Variants in WRN observed in about 807,000 individuals in gnomAD.
WRN encodes WRN RecQ like helicase, also known as bifunctional 3'-5' exonuclease/ATP-dependent helicase WRN.
A neutral mutation model predicts 180.7 loss-of-function variants in WRN; 149 were observed. The ratio of observed to expected loss-of-function variants is 0.82; its 90% CI spans 0.72 to 0.94. The LOEUF is 0.94. WRN is among the 40% of genes least tolerant of loss of function. WRN has a pLI of 0.00. For synonymous variants in WRN, 548 were observed against 568.9 expected, an observed-to-expected ratio of 0.96 and a Z score of 0.52; for missense variants, 1,661 against 1,700.1, an observed-to-expected ratio of 0.98 and a Z score of 0.40.
intron 1 of WRN, among the ~76,000 whole-genome samples, chr8:31,034,736 T>G (rs1465580606): frequency 2.6e-5 from 4 of 152,274 alleles, no homozygotes; most frequent in African/African-American, 7.2e-5. Context: ...CCTTCAGCCT[T>G]GGTTACAAGC....
intron 24 of WRN, among the ~76,000 whole-genome samples, chr8:31,137,741 G>GC (rs1802452511): frequency 6.6e-6 from 1 of 152,140 alleles, no homozygotes; most frequent in African/African-American, 2.4e-5. Context: ...TAGCTTAAGA[G>GC]CCCCCACATG....
At chr8:31,045,214 T>C (rs1811811947) in intron 1 of WRN, among the ~76,000 whole-genome samples, 1 of 152,218 alleles carries the variant, frequency 6.6e-6, no homozygotes, top group South Asian at 2.1e-4. Flanking sequence ...TATTTATTTA[T>C]TGTATGTATT....
At chr8:31,115,323 T>C (rs977639002) in intron 19 of WRN, among the ~76,000 whole-genome samples, 1 of 152,268 alleles carries the variant, frequency 6.6e-6, no homozygotes, top group Admixed American at 6.5e-5. Context: ...GATTATTCAG[T>C]ATGACTCTTG....
At chr8:31,149,622 G>A (rs1803032448) in intron 30 of WRN, among the ~76,000 whole-genome samples, 1 of 150,300 alleles carries the variant, frequency 6.7e-6, no homozygotes, top group African/African-American at 2.4e-5. Context: ...CTACAGGTGC[G>A]CGCTGCCACC....
At chr8:31,069,085 G>A (rs1362304215) in intron 7 of WRN, among the ~76,000 whole-genome samples, 1 of 152,198 alleles carries the variant, frequency 6.6e-6, no homozygotes, top group Non-Finnish European at 1.5e-5. Flanking sequence ...CAAACTATTC[G>A]AAGCATCTGT....
chr8:31,172,759 A>G (rs6982948), intron 34 of WRN, among the ~76,000 whole-genome samples: 7 of 152,260 alleles, frequency 4.6e-5, no homozygotes, highest in South Asian at 4.1e-4. Context: ...TGTTGAGTGT[A>G]TAAGACTACA....
At chr8:31,125,971 AATATAT>A (rs55952524) in intron 23 of WRN, among the ~76,000 whole-genome samples, 24,286 of 145,374 alleles carry the variant, frequency 0.17, 2,142 homozygotes, top group South Asian at 0.25. Flanking sequence ...CATCATCCTA[AATATAT>A]ATATATATAT....
intron 24 of WRN, among the ~76,000 whole-genome samples, chr8:31,136,123 CTGAG>C (rs1280263905): frequency 1.3e-5 from 2 of 152,176 alleles, no homozygotes; most frequent in African/African-American, 2.4e-5. Flanking sequence ...CCTTGGCTTC[CTGAG>C]TATGTGGCAC....
chr8:31,050,708 T>G (rs944241177), intron 1 of WRN, among the ~76,000 whole-genome samples: 3 of 152,172 alleles, frequency 2.0e-5, no homozygotes, highest in African/African-American at 7.2e-5. Flanking sequence ...TACAGCTTTC[T>G]TCTTCAGAGA....
At chr8:31,047,499 G>A (rs528416560) in intron 1 of WRN, among the ~76,000 whole-genome samples, 1 of 152,234 alleles carries the variant, frequency 6.6e-6, no homozygotes, top group Non-Finnish European at 1.5e-5. Flanking sequence ...CTCTACTGTG[G>A]GCTGGGAGTG....
rs775594819 is a variant in WRN at position 31,174,739 on chromosome 8, CCTT to C, written c.*1645_*1647del. ...TTCTTCCTTCCTTCCTCCTCCTCCT[CCTT>C]CTTCTTCCTCTTCCTCTTCTTCTTT... On this transcript the variant is annotated 3_prime_UTR_variant, in exon 35 of 35. Transcript: ENST00000298139. Among the ~76,000 whole-genome samples the C allele has an allele frequency of 1.3e-4, 20 of 150,128 alleles. No individual in the cohort carries two copies. The highest frequency in any genetic ancestry group is 3.9e-4 in the East Asian group (2 of 5,116).
intron 3 of WRN, among the ~76,000 whole-genome samples, chr8:31,060,505 C>A (rs1438383246): frequency 2.6e-5 from 4 of 152,202 alleles, no homozygotes; most frequent in African/African-American, 9.6e-5. Context: ...CACCATTGCA[C>A]TCCAGCCTGG....
Position 31,141,465 on chromosome 8 carries a change from C to G in WRN, c.3003C>G (p.His1001Gln), listed in dbSNP as rs1802626328. The G allele has an allele frequency of 6.2e-7, 1 of 1,614,084 alleles. No homozygotes were observed. Among genetic ancestry groups the G allele is most frequent in the Non-Finnish European group, 8.5e-7 (1 of 1,180,038 alleles). Residue 1001 changes from histidine (H) to glutamine (Q), a missense_variant, in exon 25 of 35, where the codon CAC becomes CAG. Coordinates refer to ENST00000298139, the MANE Select transcript of WRN (RefSeq NM_000553.6). ...SQRLADQYRRHSLFGTGKDQT... is the reference protein window; with the variant it reads ...SQRLADQYRRQSLFGTGKDQT... The stretch of plus-strand genomic sequence containing the variant: ...GTCTTGCCGATCAATATCGCAGGCA[C>G]AGTTTATTTGGCACTGGCAAGGATC...
At chr8:31,057,715 T>C (rs1812326224) in intron 1 of WRN, among the ~76,000 whole-genome samples, 1 of 152,146 alleles carries the variant, frequency 6.6e-6, no homozygotes, top group South Asian at 2.1e-4. Flanking sequence ...TACGGATCCA[T>C]TTTACTATTA....
intron 3 of WRN, among the ~76,000 whole-genome samples, chr8:31,062,692 C>T (rs538020632): frequency 3.2e-4 from 48 of 152,024 alleles, no homozygotes; most frequent in Admixed American, 2.7e-3. Context: ...GGATTACAGG[C>T]GTGAACCACT....
At chr8:31,167,400 A>T (rs1803943457) in intron 34 of WRN, among the ~76,000 whole-genome samples, 170 bp downstream of exon 34, 1 of 152,112 alleles carries the variant, frequency 6.6e-6, no homozygotes, top group Non-Finnish European at 1.5e-5. Context: ...AAGTGATTAA[A>T]AAAAAGACAG....
chr8:31,041,662 G>A (rs1403417816), intron 1 of WRN, among the ~76,000 whole-genome samples: 1 of 152,106 alleles, frequency 6.6e-6, no homozygotes, highest in East Asian at 1.9e-4. Flanking sequence ...AGTGACGATC[G>A]GTGGAGGAGA....
chr8:31,088,905 C>A lies in WRN; in HGVS notation c.1592C>A (p.Ala531Glu), dbSNP rs1190792876. The stretch of plus-strand genomic sequence containing the variant: ...TTATTTCCAGACTTTTTGTGGCCAG[C>A]ACCCAATGAAGAGCAAGTTACTTGC... Reference protein sequence around the residue: ...EDDDKDFLWPAPNEEQVTCLK... With the variant: ...EDDDKDFLWPEPNEEQVTCLK... The change falls in exon 13 of 35, where the codon GCA becomes GAA. Residue 531 changes from alanine (A) to glutamate (E), a missense_variant. Around this residue, in one of 3 missense-constraint regions of WRN, gnomAD observed 1,141 missense variants for 1,149.4 expected, o/e 0.99. Transcript: ENST00000298139. The A allele has an allele frequency of 5.0e-6, 8 of 1,610,996 alleles. No homozygotes were observed. Among genetic ancestry groups the A allele is most frequent in the Middle Eastern group, 1.7e-4 (1 of 5,824 alleles).
intron 11 of WRN, among the ~76,000 whole-genome samples, chr8:31,086,537 C>T (rs553351745): frequency 1.1e-4 from 16 of 151,884 alleles, no homozygotes; most frequent in African/African-American, 3.9e-4. Context: ...ATGACCATGC[C>T]ACTGCACTCT....
Sources: gnomAD v4.1 joint callset for allele counts (sites outside exome capture counted in the v4.1 genomes callset) on GRCh38, gnomAD v4.1.1 for gene constraint, gnomAD v4.1.1 regional missense constraint, MANE v1.5 for transcripts, NCBI Gene and HGNC (gene_info 2026-07-23, HGNC 2026-07-21) for gene names.